Variants in BANP observed in about 807,000 individuals in gnomAD.
BANP encodes the protein protein BANP.
A neutral mutation model predicts 68.1 loss-of-function variants in BANP; 11 were observed. The observed-to-expected ratio is 0.16, with a 90% CI of 0.10 to 0.27. BANP has a LOEUF of 0.27. BANP is among the 10% of genes least tolerant of loss of function. BANP has a pLI of 1.00. For synonymous variants in BANP, 329 were observed against 303.2 expected, an observed-to-expected ratio of 1.09 and a Z score of -0.88; for missense variants, 504 against 722.7, an observed-to-expected ratio of 0.70 and a Z score of 3.47.
rs371927516 is a variant in BANP, at chr16:87,968,960, T to C, written c.-68-6088T>C. ...TGAAAAGTGAAAAATAATTTCCTTT[T>C]CACCCATGCCCCAGGCTGTTGTAGG... On this transcript the variant is annotated intron_variant, in intron 1 of 13. Coordinates refer to ENST00000682872, the MANE Select transcript of BANP (RefSeq NM_001386991.1). Among the ~76,000 whole-genome samples, 4 of 152,346 alleles carry C rather than the reference T, an allele frequency of 2.6e-5. No individual in the cohort carries two copies. In the East Asian group the frequency reaches 5.8e-4, roughly 22 times the overall value.
chr16:88,076,548 T>G, intron 13 of BANP, 42 bp from the exon 14 acceptor site: 1 of 1,579,440 alleles, frequency 6.3e-7, no homozygotes, highest in Non-Finnish European at 8.7e-7. Context: ...CATGCAGTGC[T>G]GGGTATTTTT....
chr16:87,986,313 C>T (rs2064402506), intron 4 of BANP, among the ~76,000 whole-genome samples: 1 of 152,222 alleles, frequency 6.6e-6, no homozygotes, highest in Non-Finnish European at 1.5e-5. Context: ...TCATTGTCAC[C>T]ACTTGGGAAA....
At chr16:87,976,257 T>C (rs2062097776) in intron 2 of BANP, among the ~76,000 whole-genome samples, 1 of 152,272 alleles carries the variant, frequency 6.6e-6, no homozygotes, top group South Asian at 2.1e-4. Flanking sequence ...AGAAATGTTT[T>C]ACTAATTCTT....
intron 11 of BANP, among the ~76,000 whole-genome samples, chr16:88,051,397 G>C (rs1022101500): frequency 1.3e-5 from 2 of 151,826 alleles, no homozygotes; most frequent in African/African-American, 4.8e-5. Context: ...TTAAGGGCAG[G>C]ACCCGTGCCC....
At chr16:88,076,532 C>T (rs373436683) in intron 13 of BANP, 58 bp from the exon 14 acceptor site, 6 of 1,486,584 alleles carry the variant, frequency 4.0e-6, no homozygotes, top group South Asian at 3.5e-5. Flanking sequence ...CATGACACCC[C>T]CTGGCCATGC....
intron 13 of BANP, among the ~76,000 whole-genome samples, chr16:88,074,111 C>T (rs1026406349): frequency 1.3e-5 from 2 of 152,194 alleles, no homozygotes; most frequent in Non-Finnish European, 2.9e-5. Flanking sequence ...CTAGCTCTGC[C>T]CCACTGGGAA....
chr16:88,018,783 G>C lies in BANP; in HGVS notation c.895+116G>C. The stretch of plus-strand genomic sequence containing the variant: ...ACCGGCACGGGGCTGCGTTTCTCCA[G>C]GCGGTTTGAAATCTCAGCCCGAGGA... On this transcript the variant is annotated intron_variant, in intron 7 of 13. Transcript: ENST00000682872. This position sits in a 1 kb window ranked among gnomAD's most constrained non-coding sequence, Gnocchi z 7.7. The C allele has an allele frequency of 7.4e-7, 1 of 1,350,986 alleles. No individual in the cohort carries two copies. Among genetic ancestry groups the C allele is most frequent in the Admixed American group, 2.6e-5 (1 of 38,588 alleles). 83.7% of individuals were successfully genotyped at this position (1,350,986 alleles called of 1,614,324 possible).
chr16:88,042,838 G>T (rs974032351), intron 11 of BANP, among the ~76,000 whole-genome samples: 11 of 152,254 alleles, frequency 7.2e-5, no homozygotes, highest in African/African-American at 2.6e-4. Context: ...GATTGCTTGA[G>T]CCCAGGAGGC....
At chr16:87,976,128 C>G (rs886723534) in intron 2 of BANP, among the ~76,000 whole-genome samples, 3 of 152,222 alleles carry the variant, frequency 2.0e-5, no homozygotes, top group African/African-American at 7.2e-5. Flanking sequence ...TCTGATTTTT[C>G]CTTTATACAC....
chr16:88,038,647 TG>T (rs1361811498), intron 11 of BANP, among the ~76,000 whole-genome samples: 2 of 152,198 alleles, frequency 1.3e-5, no homozygotes, highest in African/African-American at 4.8e-5. Context: ...GACCATTGGT[TG>T]AACACCCCAG....
intron 7 of BANP, among the ~76,000 whole-genome samples, chr16:88,023,465 G>GGCTTCGAGAT (rs11283214): frequency 3.2e-5 from 4 of 123,792 alleles, no homozygotes; most frequent in South Asian, 2.2e-4. Flanking sequence ...ATCGGGCAGA[G>GGCTTCGAGAT]GCCTTTTGTT....
chr16:88,040,740 G>T (rs1261779481), intron 11 of BANP, among the ~76,000 whole-genome samples: 15 of 152,246 alleles, frequency 9.9e-5, no homozygotes, highest in Admixed American at 2.6e-4. Flanking sequence ...GCCTGCCCTG[G>T]TGTGAGCACT....
rs1431334572 is a variant in BANP at position 88,036,187 on chromosome 16, C to A, written c.1272+793C>A. 6.6e-6 allele frequency among the ~76,000 whole-genome samples: 1 copy of A among 152,196 alleles called. No homozygotes were observed. Among genetic ancestry groups the A allele is most frequent in the East Asian group, 1.9e-4 (1 of 5,198 alleles). ...TGTTGTACTCAGTGACCGTGGTGCG[C>A]TCTGGGGGATGAGGAACATGGCTGT... On this transcript the variant is annotated intron_variant, in intron 10 of 13. Transcript: ENST00000682872. The surrounding 1 kb of genome is among the most constrained non-coding windows in gnomAD (Gnocchi z 4.2).
chr16:88,030,387 A>G (rs2077906508), intron 8 of BANP, among the ~76,000 whole-genome samples: 1 of 152,196 alleles, frequency 6.6e-6, no homozygotes, highest in Non-Finnish European at 1.5e-5. Context: ...ACCGTATGGA[A>G]CTCCTAGACT....
chr16:87,958,059 C>A (rs910384227), intron 1 of BANP, among the ~76,000 whole-genome samples: 1 of 152,222 alleles, frequency 6.6e-6, no homozygotes, highest in African/African-American at 2.4e-5. Context: ...TCCCAGCCAA[C>A]AGTTGTGACT....
chr16:88,013,754 C>T (rs560149978), intron 6 of BANP, among the ~76,000 whole-genome samples: 14 of 152,366 alleles, frequency 9.2e-5, no homozygotes, highest in African/African-American at 2.9e-4. Flanking sequence ...GCCTACCCCA[C>T]AGCCTCTGAT....
In BANP at chr16:87,958,556, C is replaced by T. The variant is rs143312009; in HGVS notation, c.-69+7041C>T. Among the ~76,000 whole-genome samples the T allele has an allele frequency of 7.7e-3, 1,162 of 151,448 alleles. 22 individuals carry two copies. Among genetic ancestry groups the T allele is most frequent in the African/African-American group, 0.027 (1,109 of 41,084 alleles). On this transcript the variant is annotated intron_variant, in intron 1 of 13. Transcript: ENST00000682872. ...CTTTTTAAAAGGCCATCCACTGGGC[C>T]AGGCATGGTGGCCCAAAGCTCCCAG...
rs558257288 is a variant in BANP, at chr16:88,052,680, C to T, written c.1312-12587C>T. On this transcript the variant is annotated intron_variant, in intron 11 of 13. Transcript: ENST00000682872. ...TCACAACCACCCTAACAACTGCTAT[C>T]ACCACCACCTCGACCACTATCATCT... Among the ~76,000 whole-genome samples, 5 of 152,092 alleles carry T rather than the reference C, an allele frequency of 3.3e-5. No individual in the cohort carries two copies. In the South Asian group the frequency reaches 8.3e-4, roughly 25 times the overall value.
At chr16:87,952,641 C>G (rs1432652071) in intron 1 of BANP, 1 of 152,204 alleles carries the variant, frequency 6.6e-6, no homozygotes, top group South Asian at 2.1e-4. Flanking sequence ...ATTTAACACG[C>G]AGCTCGCAGA....
Sources: gnomAD v4.1 joint callset for allele counts (sites outside exome capture counted in the v4.1 genomes callset) on GRCh38, gnomAD v4.1.1 for gene constraint, Gnocchi (gnomAD v3.1) non-coding constraint, MANE v1.5 for transcripts, NCBI Gene and HGNC (gene_info 2026-07-23, HGNC 2026-07-21) for gene names.